The following NDRG1 variants were observed in gnomAD, a reference collection of about 807,000 sequenced individuals.
NDRG1 encodes the protein N-myc downstream regulated 1.
Under a neutral mutation model 56.9 loss-of-function variants are expected in NDRG1, and 32 were observed. That is an observed-to-expected ratio of 0.56 (90% CI 0.42 to 0.76). NDRG1 has a LOEUF of 0.76. NDRG1 is among the 30% of genes least tolerant of loss of function. The pLI is 0.00. For missense variants in NDRG1, 507 were observed against 545.7 expected, an observed-to-expected ratio of 0.93 and a Z score of 0.71; for synonymous variants, 211 against 204.1, an observed-to-expected ratio of 1.03 and a Z score of -0.29.
chr8:133,294,800 C>T (rs1442779663), intron 1 of NDRG1, among the ~76,000 whole-genome samples: 1 of 152,212 alleles, frequency 6.6e-6, no homozygotes, highest in East Asian at 1.9e-4. Flanking sequence ...AATCATTCCG[C>T]TCTGCCCCTT....
intron 1 of NDRG1, among the ~76,000 whole-genome samples, chr8:133,292,237 C>T (rs1345324766): frequency 6.6e-6 from 1 of 152,140 alleles, no homozygotes; most frequent in Non-Finnish European, 1.5e-5. Context: ...TAGCAGAGGA[C>T]GAGGAAATGG....
intron 3 of NDRG1, among the ~76,000 whole-genome samples, chr8:133,268,378 C>T (rs959430330): frequency 1.1e-4 from 16 of 152,206 alleles, no homozygotes; most frequent in African/African-American, 3.4e-4. Context: ...TCATGAGTGT[C>T]AGGACCCTGG....
At chr8:133,260,046 A>G (rs1446151420) in intron 5 of NDRG1, among the ~76,000 whole-genome samples, 1 of 152,206 alleles carries the variant, frequency 6.6e-6, no homozygotes, top group Non-Finnish European at 1.5e-5. Context: ...GCCGCAGGGC[A>G]GAAGTGCGGC....
rs1320417829 is a variant in NDRG1 at position 133,284,248 on chromosome 8, C to T, written c.63+1G>A. ...GGGTAGCCAGGAAGATCTCCACTCA[C>T]CTCCCCTTTCTCCACCAAAGGCTTC... On this transcript the variant is annotated splice_donor_variant, in intron 2 of 15. Coordinates refer to ENST00000323851, the MANE Select transcript of NDRG1 (RefSeq NM_006096.4). LOFTEE classifies it high-confidence loss of function. 5 of 1,614,030 alleles carry T rather than the reference C, an allele frequency of 3.1e-6. No individual in the cohort carries two copies. Among genetic ancestry groups the T allele is most frequent in the Non-Finnish European group, 4.2e-6 (5 of 1,180,014 alleles).
At position 133,264,590 on chromosome 8, in the gene NDRG1, T is replaced by C. The variant is rs751655132; in HGVS notation, c.162A>G (p.Gly54=). ...GGTAGGTGAGGATGACAGGCCGGTT[T>C]CCCTTGGGAGTCCCACACAGCGTGA... ...VHVTLCGTPK[G]NRPVILTYHD... Residue 54 remains glycine (G), a synonymous_variant, in exon 4 of 16, where the codon GGA becomes GGG. Transcript: ENST00000323851. 6.2e-7 allele frequency: 1 copy of C among 1,614,204 alleles called. No individual in the cohort carries two copies. The highest frequency in any genetic ancestry group is 1.7e-5 in the Admixed American group (1 of 60,026).
At chr8:133,291,249 T>C (rs1263265589) in intron 1 of NDRG1, among the ~76,000 whole-genome samples, 1 of 152,200 alleles carries the variant, frequency 6.6e-6, no homozygotes. Context: ...ATTGTGCTCT[T>C]TATAGAACAG....
chr8:133,250,620 G>A, intron 9 of NDRG1, 77 bp from the exon 10 acceptor site: 1 of 1,191,008 alleles, frequency 8.4e-7, no homozygotes, highest in Admixed American at 1.7e-5. Context: ...CCATTCTCCA[G>A]GTTATTTGGA....
At chr8:133,273,808 G>A (rs1857317613) in intron 3 of NDRG1, among the ~76,000 whole-genome samples, 1 of 152,132 alleles carries the variant, frequency 6.6e-6, no homozygotes, top group Admixed American at 6.5e-5. Context: ...CCCTCCCCCA[G>A]GTGGCCTTCC....
At position 133,264,618 on chromosome 8, in the gene NDRG1, T is replaced by C. The variant is rs982517092; in HGVS notation, c.134A>G (p.His45Arg). ...QDIETLHGSV[H>R]VTLCGTPKGN... ...CTTGGGAGTCCCACACAGCGTGACG[T>C]GAACAGAGCCATGTAAAGTCTCGAT... Residue 45 changes from histidine (H) to arginine (R), a missense_variant, in exon 4 of 16, where the codon CAC (histidine) becomes CGC (arginine). His to Arg is a conservative substitution (Grantham distance 29). Transcript: ENST00000323851. 6.2e-7 allele frequency: 1 copy of C among 1,614,216 alleles called. No individual in the cohort carries two copies. The highest frequency in any genetic ancestry group is 1.3e-5 in the African/African-American group (1 of 75,038).
intron 8 of NDRG1, 152 bp downstream of exon 8, chr8:133,256,625 T>C: frequency 1.4e-6 from 1 of 733,272 alleles, no homozygotes; most frequent in Non-Finnish European, 2.4e-6. Flanking sequence ...CTGTTCTAAG[T>C]AAAGCAGAGG....
chr8:133,246,496 A>G lies in NDRG1; in HGVS notation c.855+120T>C, dbSNP rs182533922. Reference sequence around the variant, plus strand: ...TGTTCATAAACAGATAGATTAAATCATTAATTCTATAGTTTCTGATCGTGT... The same window carrying G: ...TGTTCATAAACAGATAGATTAAATCGTTAATTCTATAGTTTCTGATCGTGT... On this transcript the variant is annotated intron_variant, in intron 13 of 15. Transcript: ENST00000323851. The G allele has an allele frequency of 2.8e-6, 3 of 1,065,622 alleles. No individual in the cohort carries two copies. In the Admixed American group the frequency reaches 5.1e-5, roughly 18 times the overall value. 66.0% of individuals were successfully genotyped at this position (1,065,622 alleles called of 1,614,324 possible).
rs1355785030 is a variant in NDRG1 at position 133,238,815 on chromosome 8, G to A, written c.*63C>T. 2 of 1,511,982 alleles carry A rather than the reference G, an allele frequency of 1.3e-6. No homozygotes were observed. Among genetic ancestry groups the A allele is most frequent in the Non-Finnish European group, 1.8e-6 (2 of 1,132,516 alleles). 93.7% of individuals were successfully genotyped at this position (1,511,982 alleles called of 1,614,324 possible). A position where few individuals can be genotyped will look rare whatever the true frequency, so the allele number is the denominator to read the frequency against. On this transcript the variant is annotated 3_prime_UTR_variant, in exon 16 of 16. Transcript: ENST00000323851. The stretch of plus-strand genomic sequence containing the variant: ...AGTATGGCAGGCAGGGGGCGAAAAG[G>A]GGCCGGGGAGGAGGGGGCCACTACA...
intron 11 of NDRG1, 152 bp downstream of exon 11, chr8:133,248,563 A>G: frequency 2.1e-6 from 2 of 963,532 alleles, no homozygotes; most frequent in Non-Finnish European, 3.3e-6. Flanking sequence ...AGTCCAAGTC[A>G]GGCTGGGTAA....
At chr8:133,253,992 C>T (rs1427664786) in intron 9 of NDRG1, among the ~76,000 whole-genome samples, 1 of 151,908 alleles carries the variant, frequency 6.6e-6, no homozygotes, top group Admixed American at 6.6e-5. Flanking sequence ...ATGAGCACTG[C>T]ACCCCGACTA....
chr8:133,261,021 T>C (rs1856634720), intron 5 of NDRG1, among the ~76,000 whole-genome samples: 1 of 152,166 alleles, frequency 6.6e-6, no homozygotes. Context: ...GCAAATACTC[T>C]CAACTAAGGC....
intron 3 of NDRG1, among the ~76,000 whole-genome samples, chr8:133,266,380 C>A (rs917229461): frequency 3.9e-5 from 6 of 152,240 alleles, no homozygotes; most frequent in Non-Finnish European, 5.9e-5. Flanking sequence ...GCGACCCATA[C>A]AGATCACTGC....
chr8:133,240,737 T>G lies in NDRG1; in HGVS notation c.943+1286A>C. 2 of 152,024 alleles carry G rather than the reference T, an allele frequency of 1.3e-5. 1 individual carries two copies. Among genetic ancestry groups the G allele is most frequent in the Non-Finnish European group, 2.9e-5 (2 of 68,022 alleles). 9.4% of individuals were successfully genotyped at this position (152,024 alleles called of 1,614,324 possible). A position where few individuals can be genotyped will look rare whatever the true frequency, so the allele number is the denominator to read the frequency against. ...AGCCGATTTGGGGAGAAAGATGAGG[T>G]CTAGCATTCACTTCCTTTCTCTCCA... On this transcript the variant is annotated intron_variant, in intron 15 of 15. Transcript: ENST00000323851.
At chr8:133,269,871 A>T (rs559632874) in intron 3 of NDRG1, among the ~76,000 whole-genome samples, 79 of 152,320 alleles carry the variant, frequency 5.2e-4, no homozygotes, top group Non-Finnish European at 9.1e-4. Flanking sequence ...GAGAAATAAT[A>T]TCTGCTGCTC....
chr8:133,271,778 TAAAAAAA>T (rs66733314), intron 3 of NDRG1, among the ~76,000 whole-genome samples: 1 of 30,468 alleles, frequency 3.3e-5, no homozygotes, highest in Non-Finnish European at 5.4e-5. Context: ...AGACCCTGTC[TAAAAAAA>T]AAAAAAAAAA....
Sources: gnomAD v4.1 joint callset for allele counts (sites outside exome capture counted in the v4.1 genomes callset) on GRCh38, gnomAD v4.1.1 for gene constraint, MANE v1.5 for transcripts, NCBI Gene and HGNC (gene_info 2026-07-23, HGNC 2026-07-21) for gene names.